The following ENG variants were observed in gnomAD, a reference collection of about 807,000 sequenced individuals.
The protein encoded by ENG is CD105 antigen.
ENG carries 17 observed loss-of-function variants against 71.0 expected under a neutral mutation model. That is an observed-to-expected ratio of 0.24 (90% CI 0.16 to 0.36). The LOEUF (loss-of-function observed/expected upper bound fraction) is 0.36. ENG is among the 10% of genes least tolerant of loss of function. The probability of loss-of-function intolerance (pLI) is 1.00; values close to 1 mark genes in which losing one functional copy is unlikely to be tolerated. For missense variants in ENG, 749 were observed against 868.3 expected (o/e 0.86, Z 1.73); for synonymous variants, 360 against 366.9 (o/e 0.98, Z 0.21).
Position 127,819,021 on chromosome 9 carries a change from T to G in ENG, c.1312-189A>C, listed in dbSNP as rs35938176. Among the ~76,000 whole-genome samples the G allele has an allele frequency of 0.023, 3,521 of 150,894 alleles. 62 individuals carry two copies. Among genetic ancestry groups the G allele is most frequent in the Middle Eastern group, 0.045 (13 of 290 alleles). On this transcript the variant is annotated intron_variant, in intron 10 of 14. Coordinates refer to ENST00000373203, the MANE Select transcript of ENG (RefSeq NM_001114753.3). ...GGTGCGATCTCAGCTCACTGCAAGCTCCGCCTCCCGGGTTCATGCCATTCT... is the reference window on the plus strand; with the variant it reads ...GGTGCGATCTCAGCTCACTGCAAGCGCCGCCTCCCGGGTTCATGCCATTCT...
In ENG at chr9:127,843,142, G is replaced by A; in HGVS notation, c.171C>T (p.Ala57=). Residue 57 remains alanine, a synonymous_variant, in exon 2 of 15, where the codon GCC becomes GCT. Coordinates refer to ENST00000373203, the MANE Select transcript of ENG (RefSeq NM_001114753.3). ...CATGGACTTCAAGGATGGCATTGGG[G>A]GCCTGAGCCACGCAGCCCTTCGAGA... ...SQVSKGCVAQ[A]PNAILEVHVL... is the part of the protein sequence containing the mutation. The A allele has an allele frequency of 1.9e-6, 3 of 1,614,216 alleles. No homozygotes were observed. Among genetic ancestry groups the A allele is most frequent in the Non-Finnish European group, 1.7e-6 (2 of 1,180,036 alleles).
chr9:127,835,332 G>A (rs1489554950), intron 2 of ENG, among the ~76,000 whole-genome samples: 7 of 152,306 alleles, frequency 4.6e-5, no homozygotes, highest in South Asian at 2.1e-4. Flanking sequence ...TAGGCTGGGC[G>A]TGGTGCCAGA....
Position 127,829,785 on chromosome 9 carries a change from T to TA in ENG, c.261_262insT (p.Asn88Ter). On this transcript the variant is annotated frameshift_variant, in exon 3 of 15. Coordinates refer to ENST00000373203, the MANE Select transcript of ENG (RefSeq NM_001114753.3). LOFTEE classifies it high-confidence loss of function. Reference sequence around the variant, plus strand: ...AGCACCTCTCGGGGCCAGGTGCCATTTTGCTTGGATGCCTGGAGAGTCAGC... The same window carrying TA: ...AGCACCTCTCGGGGCCAGGTGCCATTATTGCTTGGATGCCTGGAGAGTCAGC... The TA allele has an allele frequency of 6.2e-7, 1 of 1,613,998 alleles. No individual in the cohort carries two copies. The highest frequency in any genetic ancestry group is 8.5e-7 in the Non-Finnish European group (1 of 1,179,992).
Position 127,836,394 on chromosome 9 carries a change from A to AT in ENG, c.220-6568dup, listed in dbSNP as rs1185663122. Among the ~76,000 whole-genome samples, 2 of 152,070 alleles carry AT rather than the reference A, an allele frequency of 1.3e-5. No individual in the cohort carries two copies. Among genetic ancestry groups the AT allele is most frequent in the Admixed American group, 1.3e-4 (2 of 15,266 alleles). ...CAGCAGTTGGTGGCAGGAAGGGGGG[A>AT]TTTCGGTGAGGAGGCCCTGAGTGCT... On this transcript the variant is annotated intron_variant, in intron 2 of 14. Coordinates refer to ENST00000373203, the MANE Select transcript of ENG (RefSeq NM_001114753.3). This position sits in a 1 kb window ranked among gnomAD's most constrained non-coding sequence, Gnocchi z 4.0.
At chr9:127,816,080 T>C (rs1757939852) in intron 13 of ENG, 27 bp from the exon 14 acceptor site, 2 of 1,601,356 alleles carry the variant, frequency 1.2e-6, no homozygotes, top group African/African-American at 1.3e-5. Context: ...CCATCAGCAC[T>C]GCCACTCTGC....
intron 1 of ENG, among the ~76,000 whole-genome samples, chr9:127,851,057 GA>G (rs547014193): frequency 1.3e-5 from 2 of 150,562 alleles, no homozygotes; most frequent in Non-Finnish European, 3.0e-5. Context: ...TAAAAAGTTA[GA>G]AAAAAAAACT....
chr9:127,843,563 T>C (rs1035316165), intron 1 of ENG, among the ~76,000 whole-genome samples: 7 of 151,446 alleles, frequency 4.6e-5, no homozygotes, highest in Admixed American at 3.3e-4. Flanking sequence ...AAATATTGCA[T>C]GGAACGTACT....
intron 2 of ENG, among the ~76,000 whole-genome samples, chr9:127,840,531 A>G (rs987556672): frequency 7.2e-5 from 11 of 152,176 alleles, no homozygotes; most frequent in Non-Finnish European, 1.5e-4. Context: ...AACAAAAAAC[A>G]AACAAACAGA....
Position 127,836,984 on chromosome 9 carries a change from C to T in ENG, c.219+6110G>A, listed in dbSNP as rs572063900. ...TGTATTTTTAGTAGAGACGGGGTTT[C>T]GCCCATGTCGGCCAGGCTGGTCTCG... On this transcript the variant is annotated intron_variant, in intron 2 of 14. Transcript: ENST00000373203. This position sits in a 1 kb window ranked among gnomAD's most constrained non-coding sequence, Gnocchi z 4.0. 6.6e-6 allele frequency among the ~76,000 whole-genome samples: 1 copy of T among 152,150 alleles called. No homozygotes were observed. Among genetic ancestry groups the T allele is most frequent in the African/African-American group, 2.4e-5 (1 of 41,422 alleles).
intron 12 of ENG, 26 bp from the exon 13 acceptor site, chr9:127,817,229 G>A (rs777365513): frequency 3.7e-6 from 6 of 1,613,966 alleles, no homozygotes; most frequent in Non-Finnish European, 5.1e-6. Flanking sequence ...AGAGCAGTAT[G>A]TGGCACCTTT....
chr9:127,838,478 G>T lies in ENG; in HGVS notation c.219+4616C>A, dbSNP rs1048804890. ...TCTGGGGGAGCTAAGGTCCCTCCCGGCTCTCTCTCTCTGCCTGAGTGGTGT... is the reference window on the plus strand; with the variant it reads ...TCTGGGGGAGCTAAGGTCCCTCCCGTCTCTCTCTCTCTGCCTGAGTGGTGT... On this transcript the variant is annotated intron_variant, in intron 2 of 14. Coordinates refer to ENST00000373203, the MANE Select transcript of ENG (RefSeq NM_001114753.3). This position sits in a 1 kb window ranked among gnomAD's most constrained non-coding sequence, Gnocchi z 4.3. Among the ~76,000 whole-genome samples, 3 of 151,946 alleles carry T rather than the reference G, an allele frequency of 2.0e-5. No individual in the cohort carries two copies. Among genetic ancestry groups the T allele is most frequent in the Admixed American group, 2.0e-4 (3 of 15,252 alleles).
intron 2 of ENG, among the ~76,000 whole-genome samples, chr9:127,837,690 T>C (rs1830934541): frequency 6.6e-6 from 1 of 152,218 alleles, no homozygotes; most frequent in African/African-American, 2.4e-5. Flanking sequence ...CAAATGCTTA[T>C]AAGAATGTAC....
intron 5 of ENG, 56 bp from the exon 6 acceptor site, chr9:127,825,413 G>A (rs1484959951): frequency 6.9e-6 from 11 of 1,600,958 alleles, no homozygotes; most frequent in Admixed American, 3.3e-5. Context: ...GGCGGGGAGC[G>A]AGGCCTGGCG....
chr9:127,843,322 T>G (rs751508375), intron 1 of ENG, 77 bp from the exon 2 acceptor site: 3 of 1,599,440 alleles, frequency 1.9e-6, no homozygotes, highest in Non-Finnish European at 2.6e-6. Context: ...AAACGTCTCC[T>G]AGGGACTTGA....
rs41517048 is a variant in ENG, at chr9:127,832,954, G to A, written c.220-3127C>T. 1.2e-3 allele frequency among the ~76,000 whole-genome samples: 180 copies of A among 151,882 alleles called. 1 individual carries two copies. Among genetic ancestry groups the A allele is most frequent in the African/African-American group, 3.9e-3 (161 of 41,420 alleles). On this transcript the variant is annotated intron_variant, in intron 2 of 14. Coordinates refer to ENST00000373203, the MANE Select transcript of ENG (RefSeq NM_001114753.3). ...GTATTTTTAGTAAAGATGGGGTTTC[G>A]CCATGTTGGCCAGGATGGGCTCAAA...
intron 1 of ENG, among the ~76,000 whole-genome samples, chr9:127,848,183 C>T (rs1588600549): frequency 6.6e-6 from 1 of 152,260 alleles, no homozygotes; most frequent in South Asian, 2.1e-4. Flanking sequence ...ATTATTTATG[C>T]CCAGTCAGTG....
Position 127,836,627 on chromosome 9 carries a change from G to T in ENG, c.219+6467C>A, listed in dbSNP as rs1309124333. 6.6e-6 allele frequency among the ~76,000 whole-genome samples: 1 copy of T among 152,212 alleles called. No homozygotes were observed. The highest frequency in any genetic ancestry group is 1.5e-5 in the Non-Finnish European group (1 of 68,040). ...GCCAGACCAACCTGAATTCAGATGGGGGCTCAGTCATTAGCCTGTGACCTT... is the reference window on the plus strand; with the variant it reads ...GCCAGACCAACCTGAATTCAGATGGTGGCTCAGTCATTAGCCTGTGACCTT... On this transcript the variant is annotated intron_variant, in intron 2 of 14. Transcript: ENST00000373203. This position sits in a 1 kb window ranked among gnomAD's most constrained non-coding sequence, Gnocchi z 4.0.
intron 1 of ENG, among the ~76,000 whole-genome samples, chr9:127,843,736 C>CAT (rs1554812401): frequency 2.9e-4 from 26 of 89,522 alleles, no homozygotes; most frequent in African/African-American, 1.4e-3. Flanking sequence ...CATCCACATA[C>CAT]ATATATATAT....
rs906249965 is a variant in ENG, at chr9:127,836,980, G to A, written c.219+6114C>T. 6.6e-6 allele frequency among the ~76,000 whole-genome samples: 1 copy of A among 152,148 alleles called. No individual in the cohort carries two copies. Among genetic ancestry groups the A allele is most frequent in the Non-Finnish European group, 1.5e-5 (1 of 68,040 alleles). ...TTTTTGTATTTTTAGTAGAGACGGG[G>A]TTTCGCCCATGTCGGCCAGGCTGGT... On this transcript the variant is annotated intron_variant, in intron 2 of 14. Transcript: ENST00000373203. The surrounding 1 kb of genome is among the most constrained non-coding windows in gnomAD (Gnocchi z 4.0).
Sources: allele counts gnomAD v4.1 joint callset (sites outside exome capture counted in the v4.1 genomes callset), GRCh38; gene constraint gnomAD v4.1.1; non-coding constraint Gnocchi (gnomAD v3.1); transcripts MANE v1.5; gene names NCBI Gene and HGNC (gene_info 2026-07-23, HGNC 2026-07-21).